Variants in RIMS2 observed in about 807,000 individuals in gnomAD.
RIMS2 encodes regulating synaptic membrane exocytosis protein 2.
RIMS2 carries 59 observed loss-of-function variants against 174.4 expected under a neutral mutation model. The ratio of observed to expected loss-of-function variants is 0.34; its 90% CI spans 0.27 to 0.42. RIMS2 has a LOEUF of 0.42. Among genes scored for constraint, RIMS2 ranks in the 10% least tolerant of loss-of-function variants. The pLI is 1.00. For synonymous variants in RIMS2, 606 were observed against 572.5 expected, an observed-to-expected ratio of 1.06 and a Z score of -0.84; for missense variants, 1,620 against 1,666.3, an observed-to-expected ratio of 0.97 and a Z score of 0.48.
chr8:103,967,169 T>TG, intron 15 of RIMS2, among the ~76,000 whole-genome samples: 1 of 127,256 alleles, frequency 7.9e-6, no homozygotes, highest in Non-Finnish European at 1.7e-5. Context: ...GATCTGTTCT[T>TG]GTTTTTTTTT....
chr8:103,777,684 A>C (rs1014023085), intron 3 of RIMS2, among the ~76,000 whole-genome samples: 1 of 152,032 alleles, frequency 6.6e-6, no homozygotes, highest in Non-Finnish European at 1.5e-5. Context: ...AATAAATATA[A>C]ATTCTGCCAT....
At chr8:103,919,246 G>T (rs758557202) in intron 9 of RIMS2, among the ~76,000 whole-genome samples, 1 of 152,144 alleles carries the variant, frequency 6.6e-6, no homozygotes, top group Non-Finnish European at 1.5e-5. Context: ...TGGAGTGGCT[G>T]CCTGGGGGGA....
intron 1 of RIMS2, among the ~76,000 whole-genome samples, chr8:103,537,181 C>A (rs961897193): frequency 4.6e-5 from 7 of 152,104 alleles, no homozygotes; most frequent in African/African-American, 1.4e-4. Flanking sequence ...ACATTAAATT[C>A]ATATAAAGCA....
intron 19 of RIMS2, among the ~76,000 whole-genome samples, chr8:104,207,622 G>T (rs894940968): frequency 6.6e-6 from 1 of 151,450 alleles, no homozygotes; most frequent in Non-Finnish European, 1.5e-5. Flanking sequence ...CCTGGCCAAC[G>T]TGGTGAAACC....
intron 1 of RIMS2, among the ~76,000 whole-genome samples, chr8:103,680,088 TTA>T (rs1479072277): frequency 3.3e-5 from 5 of 152,096 alleles, no homozygotes; most frequent in Admixed American, 2.6e-4. Flanking sequence ...CACTAGAAAG[TTA>T]TATATTCAAA....
intron 3 of RIMS2, among the ~76,000 whole-genome samples, chr8:103,841,870 G>T (rs895575565): frequency 1.3e-5 from 2 of 152,004 alleles, no homozygotes; most frequent in Admixed American, 6.6e-5. Flanking sequence ...CAGGAGAATT[G>T]CTAGAACCCG....
chr8:103,547,996 T>C (rs567715790), intron 1 of RIMS2, among the ~76,000 whole-genome samples: 4 of 152,136 alleles, frequency 2.6e-5, no homozygotes, highest in African/African-American at 9.6e-5. Flanking sequence ...CAATAAGGAA[T>C]TCTGAAATTT....
intron 2 of RIMS2, among the ~76,000 whole-genome samples, chr8:103,740,289 A>G (rs1288711174): frequency 6.6e-6 from 1 of 152,194 alleles, no homozygotes; most frequent in African/African-American, 2.4e-5. Flanking sequence ...ATAAGTGGTG[A>G]TTAAATAGAA....
chr8:104,136,791 C>T (rs1599691903), intron 19 of RIMS2, among the ~76,000 whole-genome samples: 1 of 151,984 alleles, frequency 6.6e-6, no homozygotes, highest in East Asian at 1.9e-4. Flanking sequence ...ACACTGGAGC[C>T]TTTTGGAGGG....
intron 19 of RIMS2, among the ~76,000 whole-genome samples, chr8:104,056,148 T>G (rs888242524): frequency 6.6e-6 from 1 of 152,186 alleles, no homozygotes; most frequent in Non-Finnish European, 1.5e-5. Context: ...CTCATTCCTA[T>G]AATCCCAGCA....
chr8:103,637,967 C>T (rs561376922), intron 1 of RIMS2, among the ~76,000 whole-genome samples: 8 of 152,146 alleles, frequency 5.3e-5, no homozygotes, highest in Middle Eastern at 3.4e-3. Flanking sequence ...TTTTTGTAGA[C>T]GTTCCTCAGT....
chr8:103,747,423 G>A (rs886426927), intron 2 of RIMS2, among the ~76,000 whole-genome samples: 10 of 149,476 alleles, frequency 6.7e-5, no homozygotes, highest in African/African-American at 1.5e-4. Flanking sequence ...GTATTAAAAC[G>A]TTTTGACCAA....
chr8:104,000,347 C>G (rs1018933966), intron 17 of RIMS2, among the ~76,000 whole-genome samples: 13 of 151,742 alleles, frequency 8.6e-5, no homozygotes, highest in South Asian at 2.1e-4. Flanking sequence ...TAATGTCCTC[C>G]ATTTTCATTC....
At chr8:103,721,287 A>G (rs1038422737) in intron 2 of RIMS2, among the ~76,000 whole-genome samples, 8 of 152,196 alleles carry the variant, frequency 5.3e-5, no homozygotes, top group Non-Finnish European at 1.0e-4. Context: ...ACTGCGAGCC[A>G]ATTAAACCTA....
At chr8:104,145,174 G>C (rs1451692984) in intron 19 of RIMS2, among the ~76,000 whole-genome samples, 1 of 151,874 alleles carries the variant, frequency 6.6e-6, no homozygotes, top group Non-Finnish European at 1.5e-5. Context: ...TATCATTATA[G>C]CTAAATCTGT....
intron 17 of RIMS2, among the ~76,000 whole-genome samples, chr8:103,995,017 A>G (rs1191167869): frequency 2.0e-5 from 3 of 151,926 alleles, no homozygotes; most frequent in African/African-American, 7.2e-5. Flanking sequence ...ATTCCTTTTA[A>G]AGCAGTAAAG....
chr8:103,764,668 A>G (rs932302134), intron 2 of RIMS2, among the ~76,000 whole-genome samples: 6 of 152,170 alleles, frequency 3.9e-5, no homozygotes, highest in Admixed American at 2.0e-4. Context: ...AATAAAATAC[A>G]TACATATATT....
At chr8:103,575,370 T>C (rs1240865667) in intron 1 of RIMS2, among the ~76,000 whole-genome samples, 2 of 152,036 alleles carry the variant, frequency 1.3e-5, no homozygotes, top group Non-Finnish European at 2.9e-5. Flanking sequence ...TTTTGGAAAA[T>C]GGGCAGTATC....
At chr8:103,598,940 T>C (rs1326872239) in intron 1 of RIMS2, among the ~76,000 whole-genome samples, 3 of 152,158 alleles carry the variant, frequency 2.0e-5, no homozygotes. Flanking sequence ...GTTGTTACCA[T>C]TGATGTATCT....
Sources: gnomAD v4.1 joint callset for allele counts (sites outside exome capture counted in the v4.1 genomes callset) on GRCh38, gnomAD v4.1.1 for gene constraint, MANE v1.5 for transcripts, NCBI Gene and HGNC (gene_info 2026-07-23, HGNC 2026-07-21) for gene names.